GRIK2: variants seen among roughly 807,000 people sequenced by gnomAD.
GRIK2 encodes glutamate receptor ionotropic, kainate 2.
A neutral mutation model predicts 100.3 loss-of-function variants in GRIK2; 32 were observed. The observed-to-expected ratio is 0.32, with a 90% confidence interval of 0.24 to 0.43. GRIK2 has a LOEUF of 0.43. Ranked by LOEUF, GRIK2 falls within the 20% of genes least tolerant of loss-of-function variation. The pLI, the probability that GRIK2 is intolerant of heterozygous loss-of-function variation, is 1.00. For synonymous variants in GRIK2, 417 were observed against 389.4 expected (o/e 1.07, Z -0.83); for missense variants, 843 against 1,114.9 (o/e 0.76, Z 3.47).
chr6:102,042,935 C>T (rs1770672026), intron 15 of GRIK2, among the ~76,000 whole-genome samples: 1 of 151,556 alleles, frequency 6.6e-6, no homozygotes, highest in Admixed American at 6.6e-5. Flanking sequence ...TTGGCTGTTT[C>T]ATTACAGGTT....
At position 102,002,058 on chromosome 6, in the gene GRIK2, A is replaced by G. The variant is rs962355088; in HGVS notation, c.2086-33283A>G. Among the ~76,000 whole-genome samples the G allele has an allele frequency of 5.9e-5, 9 of 151,488 alleles. 1 individual carries two copies. Among genetic ancestry groups the G allele is most frequent in the South Asian group, 2.1e-4 (1 of 4,826 alleles). The stretch of plus-strand genomic sequence containing the variant: ...TTATCTTGGAATGCTATTAATGTCT[A>G]TCTCCTTCAGGTTTTGTCTAAGCCA... On this transcript the variant is annotated intron_variant, in intron 14 of 16. Coordinates refer to ENST00000369134, the MANE Select transcript of GRIK2 (RefSeq NM_021956.5).
At chr6:101,576,031 G>C (rs1777771709) in intron 2 of GRIK2, among the ~76,000 whole-genome samples, 1 of 151,602 alleles carries the variant, frequency 6.6e-6, no homozygotes, top group South Asian at 2.1e-4. Context: ...TATTTAATAG[G>C]GCATATGATA....
At chr6:101,436,508 A>C (rs1023722658) in intron 2 of GRIK2, among the ~76,000 whole-genome samples, 2 of 152,170 alleles carry the variant, frequency 1.3e-5, no homozygotes, top group South Asian at 4.1e-4. Flanking sequence ...GGTGTGGTAG[A>C]TAATTAGGTT....
intron 7 of GRIK2, among the ~76,000 whole-genome samples, chr6:101,724,400 G>C (rs182361743): frequency 6.6e-6 from 1 of 151,696 alleles, no homozygotes; most frequent in Admixed American, 6.6e-5. Flanking sequence ...TTATGCCCAC[G>C]TGTACCCAAT....
chr6:101,748,209 A>G (rs1006328954), intron 7 of GRIK2, among the ~76,000 whole-genome samples: 2 of 152,198 alleles, frequency 1.3e-5, no homozygotes, highest in African/African-American at 4.8e-5. Flanking sequence ...GCTATTTCTT[A>G]TTCTGGAGGT....
intron 3 of GRIK2, among the ~76,000 whole-genome samples, chr6:101,625,227 C>G (rs372966499): frequency 6.6e-6 from 1 of 151,668 alleles, no homozygotes; most frequent in East Asian, 1.9e-4. Flanking sequence ...CAAAAAATTA[C>G]CCAGGCTTGG....
intron 2 of GRIK2, among the ~76,000 whole-genome samples, chr6:101,620,790 C>G (rs1043302813): frequency 1.3e-5 from 2 of 152,098 alleles, no homozygotes; most frequent in African/African-American, 4.8e-5. Context: ...ATCAGATGCT[C>G]CACCTTTTAT....
At chr6:101,580,362 A>G (rs1475936334) in intron 2 of GRIK2, among the ~76,000 whole-genome samples, 2 of 152,154 alleles carry the variant, frequency 1.3e-5, no homozygotes, top group Non-Finnish European at 1.5e-5. Flanking sequence ...TCATTTTTAA[A>G]TTGTCTCTTT....
chr6:101,484,169 G>A (rs954284601), intron 2 of GRIK2, among the ~76,000 whole-genome samples: 1 of 152,150 alleles, frequency 6.6e-6, no homozygotes, highest in African/African-American at 2.4e-5. Context: ...TTTTAGTAGA[G>A]TAGATAATAG....
At chr6:101,591,748 T>G (rs1443067422) in intron 2 of GRIK2, among the ~76,000 whole-genome samples, 1 of 151,982 alleles carries the variant, frequency 6.6e-6, no homozygotes, top group Non-Finnish European at 1.5e-5. Context: ...ACAATTAACC[T>G]TAATTGAGTT....
chr6:101,771,366 A>G (rs1156916322), intron 7 of GRIK2, among the ~76,000 whole-genome samples: 1 of 151,908 alleles, frequency 6.6e-6, no homozygotes, highest in African/African-American at 2.4e-5. Context: ...TTCACTTGCA[A>G]TTTATCCTTT....
chr6:101,714,900 C>T (rs913052339), intron 7 of GRIK2, among the ~76,000 whole-genome samples: 4 of 151,456 alleles, frequency 2.6e-5, no homozygotes, highest in African/African-American at 9.7e-5. Flanking sequence ...AGCATTTTTC[C>T]AGTTTAAATG....
intron 2 of GRIK2, among the ~76,000 whole-genome samples, chr6:101,529,249 C>T (rs1775301951): frequency 6.6e-6 from 1 of 152,068 alleles, no homozygotes; most frequent in Non-Finnish European, 1.5e-5. Flanking sequence ...TTTCCTACAG[C>T]AGAGCATCAT....
At chr6:101,836,659 A>ATTTTTTTTTTTT (rs1239661989) in intron 10 of GRIK2, among the ~76,000 whole-genome samples, 4 of 60,212 alleles carry the variant, frequency 6.6e-5, no homozygotes, top group Non-Finnish European at 1.3e-4. Context: ...ATATATATAT[A>ATTTTTTTTTTTT]TATTTTTTTT....
chr6:101,783,623 A>G (rs900677943), intron 7 of GRIK2, among the ~76,000 whole-genome samples: 1 of 152,192 alleles, frequency 6.6e-6, no homozygotes, highest in African/African-American at 2.4e-5. Context: ...AGTACACAGG[A>G]AAGTGGGGAA....
At chr6:101,704,398 G>A (rs1773112332) in intron 7 of GRIK2, among the ~76,000 whole-genome samples, 2 of 151,624 alleles carry the variant, frequency 1.3e-5, no homozygotes, top group South Asian at 4.2e-4. Context: ...ACTGGGCTGG[G>A]AGGATAGGGG....
At chr6:102,010,388 T>C (rs964435596) in intron 14 of GRIK2, among the ~76,000 whole-genome samples, 1 of 148,382 alleles carries the variant, frequency 6.7e-6, no homozygotes, top group African/African-American at 2.5e-5. Context: ...TCTTTTTCTT[T>C]TTTCTTTTCT....
At chr6:101,631,084 A>G (rs1780723484) in intron 4 of GRIK2, among the ~76,000 whole-genome samples, 1 of 152,148 alleles carries the variant, frequency 6.6e-6, no homozygotes, top group Admixed American at 6.6e-5. Flanking sequence ...TTTTACGATA[A>G]TTAGCATTTG....
At chr6:101,476,719 C>G (rs73504607) in intron 2 of GRIK2, among the ~76,000 whole-genome samples, 5,857 of 152,014 alleles carry the variant, frequency 0.039, 398 homozygotes, top group African/African-American at 0.13. Context: ...ATTTTGATGG[C>G]CTATTAAAAA....
Sources: allele counts gnomAD v4.1 joint callset (sites outside exome capture counted in the v4.1 genomes callset), GRCh38; gene constraint gnomAD v4.1.1; transcripts MANE v1.5; gene names NCBI Gene and HGNC (gene_info 2026-07-23, HGNC 2026-07-21).